MOK: variants seen among roughly 807,000 people sequenced by gnomAD.
MOK encodes the protein MOK protein kinase, also known as MAPK/MAK/MRK overlapping kinase.
A neutral mutation model predicts 54.2 loss-of-function variants in MOK; 59 were observed. That is an observed-to-expected ratio of 1.09 (90% confidence interval 0.88 to 1.35). The LOEUF (loss-of-function observed/expected upper bound fraction) is 1.35, where lower values mean the gene tolerates loss of function less well. MOK is among the 40% of genes most tolerant of loss of function. MOK has a pLI of 0.00. For synonymous variants in MOK, 210 were observed against 202.7 expected (o/e 1.04, Z -0.31); for missense variants, 517 against 526.2 (o/e 0.98, Z 0.17).
At chr14:102,218,332 C>T in the MOK span, among the ~76,000 whole-genome samples, 18,693 of 152,226 alleles carry the variant, frequency 0.12, 1,805 homozygotes, top group African/African-American at 0.28. Flanking sequence ...TTCTCTGACA[C>T]TCACAGGCCA....
rs1182744350 is a variant in MOK at position 102,273,295 on chromosome 14, AAT to A, written c.123-7385_123-7384del. Among the ~76,000 whole-genome samples the A allele has an allele frequency of 1.3e-3, 194 of 150,372 alleles. 1 individual carries two copies. Among genetic ancestry groups the A allele is most frequent in the South Asian group, 4.5e-3 (21 of 4,676 alleles). The stretch of plus-strand genomic sequence containing the variant: ...CATACTAGAACAAAAAAAAAAAAAA[AAT>A]AAGTGAATCCTGAGAAATTTCTCAA... On this transcript the variant is annotated intron_variant, in intron 2 of 11. Transcript: ENST00000361847.
chr14:102,275,848 A>G (rs2068813615), intron 2 of MOK, among the ~76,000 whole-genome samples: 1 of 152,196 alleles, frequency 6.6e-6, no homozygotes, highest in Admixed American at 6.5e-5. Flanking sequence ...AAAGACTTCT[A>G]TACAGAATAT....
chr14:102,293,701 C>CCAAAAAAAAAAAAAAAA (rs1432616309), intron 1 of MOK, among the ~76,000 whole-genome samples: 1 of 54,598 alleles, frequency 1.8e-5, no homozygotes, highest in African/African-American at 5.8e-5. Flanking sequence ...AACTCCATCA[C>CCAAAAAAAAAAAAAAAA]AAAAAAAAAA....
intron 7 of MOK, among the ~76,000 whole-genome samples, chr14:102,237,231 T>G (rs2065302098): frequency 6.6e-6 from 1 of 152,202 alleles, no homozygotes; most frequent in Non-Finnish European, 1.5e-5. Context: ...TCTCCTTCAA[T>G]ACGTGGACAA....
At chr14:102,265,022 C>T (rs1462342148) in intron 3 of MOK, among the ~76,000 whole-genome samples, 1 of 152,234 alleles carries the variant, frequency 6.6e-6, no homozygotes, top group East Asian at 1.9e-4. Flanking sequence ...GAGGGACAAG[C>T]TGTGCTCTGC....
the MOK span, among the ~76,000 whole-genome samples, chr14:102,215,523 A>G: frequency 6.6e-6 from 1 of 152,066 alleles, no homozygotes; most frequent in African/African-American, 2.4e-5. Context: ...TTACATAGGG[A>G]TGCATGTGCC....
At chr14:102,220,275 G>A (rs2063736728), downstream of MOK, among the ~76,000 whole-genome samples, 1 of 152,190 alleles carries the variant, frequency 6.6e-6, no homozygotes, top group African/African-American at 2.4e-5. The surrounding 1 kb of genome is among the most constrained non-coding windows in gnomAD (Gnocchi z 4.2). Flanking sequence ...GCCGTCAGAA[G>A]CCACCTGCAG....
At position 102,250,925 on chromosome 14, in the gene MOK, C is replaced by T. The variant is rs142858806; in HGVS notation, c.477G>A (p.Thr159=). 25 of 1,613,998 alleles carry T rather than the reference C, an allele frequency of 1.5e-5. No individual in the cohort carries two copies. The highest frequency in any genetic ancestry group is 4.0e-5 in the African/African-American group (3 of 74,916). The change falls in exon 7 of 12, where the codon ACG becomes ACA. Residue 159 remains threonine (T), a synonymous_variant. Coordinates refer to ENST00000361847, the MANE Select transcript of MOK (RefSeq NM_014226.3). ...GGTACCAGCGGGTGGAGATGTATTC[C>T]GTGTACGGCTGCTTGGAATAGACAC... ...CRSVYSKQPY[T]EYISTRWYRA... is the part of the protein sequence containing the mutation.
chr14:102,304,480 A>G (rs2072561876), intron 1 of MOK, among the ~76,000 whole-genome samples: 1 of 152,218 alleles, frequency 6.6e-6, no homozygotes, highest in African/African-American at 2.4e-5. Flanking sequence ...TGACCCAAAA[A>G]ATAAAATAAA....
intron 4 of MOK, among the ~76,000 whole-genome samples, 196 bp downstream of exon 4, chr14:102,263,350 C>G (rs2067629413): frequency 6.6e-6 from 1 of 152,250 alleles, no homozygotes; most frequent in African/African-American, 2.4e-5. Flanking sequence ...CTGGGGCTTC[C>G]TTTCTTGTTT....
chr14:102,217,329 T>TC, the MOK span, among the ~76,000 whole-genome samples: 702 of 152,314 alleles, frequency 4.6e-3, 6 homozygotes, highest in African/African-American at 0.016. Context: ...ATGCTTTTCT[T>TC]CCACCTTCAG....
intron 1 of MOK, among the ~76,000 whole-genome samples, chr14:102,292,592 C>T (rs964105827): frequency 1.3e-5 from 2 of 152,104 alleles, no homozygotes; most frequent in African/African-American, 4.8e-5. Flanking sequence ...GGGAAGCTTT[C>T]AAGCAGATGT....
chr14:102,229,636 C>T lies in MOK; in HGVS notation c.1003G>A (p.Glu335Lys), dbSNP rs2064481516. The stretch of plus-strand genomic sequence containing the variant: ...GGTCCTCGTCTCTTGGGACGGTCCT[C>T]CTCTTGCTTTAGGGACTGTTTCTTG... ...RKQKQSLKQE[E>K]DRPKRRGPAY... Residue 335 changes from glutamate to lysine, a missense_variant, in exon 11 of 12, where the codon GAG (glutamate) becomes AAG (lysine). Coordinates refer to ENST00000361847, the MANE Select transcript of MOK (RefSeq NM_014226.3). 1 of 1,612,388 alleles carries T rather than the reference C, an allele frequency of 6.2e-7. No individual in the cohort carries two copies. Among genetic ancestry groups the T allele is most frequent in the African/African-American group, 1.3e-5 (1 of 74,904 alleles).
chr14:102,269,730 C>T (rs564657385), intron 2 of MOK, among the ~76,000 whole-genome samples: 1 of 152,258 alleles, frequency 6.6e-6, no homozygotes, highest in African/African-American at 2.4e-5. Flanking sequence ...GCCTCAGCCT[C>T]CCAAAGTACT....
chr14:102,273,006 CT>C (rs1200449161), intron 2 of MOK, among the ~76,000 whole-genome samples: 1 of 152,062 alleles, frequency 6.6e-6, no homozygotes, highest in Non-Finnish European at 1.5e-5. Flanking sequence ...CCTGTCTCTA[CT>C]TAAAATACAA....
intron 2 of MOK, among the ~76,000 whole-genome samples, chr14:102,272,566 T>C (rs7140426): frequency 6.6e-6 from 1 of 152,018 alleles, no homozygotes; most frequent in East Asian, 1.9e-4. Context: ...ACTGATCATA[T>C]GTTATGACTA....
At chr14:102,241,583 C>T (rs567951945) in intron 7 of MOK, among the ~76,000 whole-genome samples, 10 of 152,318 alleles carry the variant, frequency 6.6e-5, no homozygotes, top group South Asian at 2.1e-4. Flanking sequence ...GATGCTTTAC[C>T]GCCCTAGACC....
chr14:102,226,805 C>G (rs1187817958), downstream of MOK, among the ~76,000 whole-genome samples: 1 of 152,214 alleles, frequency 6.6e-6, no homozygotes, highest in Non-Finnish European at 1.5e-5. The surrounding 1 kb of genome is among the most constrained non-coding windows in gnomAD (Gnocchi z 4.8). Context: ...TGTGGGAACC[C>G]TGCTGTGCGC....
chr14:102,261,690 C>A (rs144840224), intron 4 of MOK, among the ~76,000 whole-genome samples: 1 of 151,194 alleles, frequency 6.6e-6, no homozygotes, highest in African/African-American at 2.4e-5. Context: ...CATGCCACCA[C>A]GCCCGGCTAA....
Sources: allele counts gnomAD v4.1 joint callset (sites outside exome capture counted in the v4.1 genomes callset), GRCh38; gene constraint gnomAD v4.1.1; non-coding constraint Gnocchi (gnomAD v3.1); transcripts MANE v1.5; gene names NCBI Gene and HGNC (gene_info 2026-07-23, HGNC 2026-07-21).